Variants in GRM1 observed in about 807,000 individuals in gnomAD.
The protein encoded by GRM1 is metabotropic glutamate receptor 1.
In GRM1, 33 loss-of-function variants were observed where a neutral mutation model predicts 90.9. That is an observed-to-expected ratio of 0.36 (90% CI 0.28 to 0.49). The LOEUF (loss-of-function observed/expected upper bound fraction) is 0.49. GRM1 is among the 20% of genes least tolerant of loss of function. GRM1 has a pLI of 0.99. For missense variants in GRM1, 1,190 were observed against 1,534.3 expected, an observed-to-expected ratio of 0.78 and a Z score of 3.75; for synonymous variants, 700 against 613.2, an observed-to-expected ratio of 1.14 and a Z score of -2.09.
rs1778625498 is a variant in GRM1 at position 146,437,356 on chromosome 6, CCTA to C, written c.*2564_*2566del. 1 of 152,516 alleles carries C rather than the reference CCTA, an allele frequency of 6.6e-6. No individual in the cohort carries two copies. The highest frequency in any genetic ancestry group is 2.1e-4 in the South Asian group (1 of 4,824). The allele number at this position is 152,516 out of a possible 1,614,324, so 9.4% of individuals were successfully genotyped here. A position where few individuals can be genotyped will look rare whatever the true frequency, so the allele number is the denominator to read the frequency against. ...TGTGATCACTTTATTACTCTGAATG[CCTA>C]CTATTATCCTGATTATGGGGTCTCC... On this transcript the variant is annotated 3_prime_UTR_variant, in exon 8 of 8. Transcript: ENST00000282753.
chr6:146,221,083 G>A (rs965301771), intron 2 of GRM1, among the ~76,000 whole-genome samples: 1 of 151,954 alleles, frequency 6.6e-6, no homozygotes, highest in African/African-American at 2.4e-5. Context: ...TGGCATTTAC[G>A]CCAGCTCCAC....
chr6:146,194,569 T>C (rs562588225), intron 2 of GRM1, among the ~76,000 whole-genome samples: 5 of 152,346 alleles, frequency 3.3e-5, no homozygotes, highest in Admixed American at 1.3e-4. Context: ...GAAGCAGCAC[T>C]CCCACTATTT....
intron 4 of GRM1, among the ~76,000 whole-genome samples, chr6:146,355,739 G>A (rs938204278): frequency 6.6e-6 from 1 of 152,198 alleles, no homozygotes; most frequent in Non-Finnish European, 1.5e-5. Flanking sequence ...TTGATTGGCT[G>A]TAGCCTCCTG....
chr6:146,058,894 T>C (rs1454821540), intron 1 of GRM1, among the ~76,000 whole-genome samples: 1 of 152,118 alleles, frequency 6.6e-6, no homozygotes. Flanking sequence ...GAAATTGTAT[T>C]AATTCAATCA....
intron 2 of GRM1, among the ~76,000 whole-genome samples, chr6:146,241,158 T>C (rs2114733369): frequency 6.6e-6 from 1 of 152,222 alleles, no homozygotes; most frequent in South Asian, 2.1e-4. Flanking sequence ...CATTACACGA[T>C]TGAGATTTTT....
At chr6:146,405,957 A>C (rs1348723531) in intron 7 of GRM1, among the ~76,000 whole-genome samples, 3 of 152,246 alleles carry the variant, frequency 2.0e-5, no homozygotes, top group Non-Finnish European at 4.4e-5. Context: ...GAGAGGTTTC[A>C]GTGCTATAAT....
In GRM1 at chr6:146,159,650, C is replaced by G. The variant is rs1777646633; in HGVS notation, c.950+53C>G. On this transcript the variant is annotated intron_variant, in intron 2 of 7. Transcript: ENST00000282753. ...TCTCTCTCTCTCTCTCTCACACACA[C>G]ACATGCACACACACACTTTGAAACA... is the stretch of plus-strand genomic sequence containing the variant. 5 of 1,501,108 alleles carry G rather than the reference C, an allele frequency of 3.3e-6. No homozygotes were observed. In the South Asian group the frequency reaches 4.5e-5, roughly 14 times the overall value. The allele number at this position is 1,501,108 out of a possible 1,614,324, so 93.0% of individuals were successfully genotyped here.
intron 1 of GRM1, among the ~76,000 whole-genome samples, chr6:146,123,815 C>T (rs2128878091): frequency 6.6e-6 from 1 of 152,306 alleles, no homozygotes; most frequent in East Asian, 1.9e-4. Flanking sequence ...TGGTCTCTGG[C>T]TGGCATCCTT....
intron 2 of GRM1, among the ~76,000 whole-genome samples, chr6:146,245,409 T>C (rs1159717620): frequency 6.6e-6 from 1 of 152,172 alleles, no homozygotes; most frequent in Non-Finnish European, 1.5e-5. Flanking sequence ...AATTTCAAGG[T>C]TTCTACGAAT....
At chr6:146,340,946 C>T (rs1784953868) in intron 3 of GRM1, among the ~76,000 whole-genome samples, 1 of 152,206 alleles carries the variant, frequency 6.6e-6, no homozygotes, top group South Asian at 2.1e-4. Flanking sequence ...TACAAAACAA[C>T]AGGCCCCAAA....
At chr6:146,062,161 C>T (rs1038377928) in intron 1 of GRM1, among the ~76,000 whole-genome samples, 30 of 152,068 alleles carry the variant, frequency 2.0e-4, no homozygotes, top group African/African-American at 7.2e-4. Flanking sequence ...TACTATGCAG[C>T]CACAAAAAGG....
At chr6:146,211,347 G>GAA (rs58945695) in intron 2 of GRM1, among the ~76,000 whole-genome samples, 36 of 125,472 alleles carry the variant, frequency 2.9e-4, no homozygotes, top group African/African-American at 7.5e-4. Context: ...TCTAATGATA[G>GAA]AAAAAAAAAA....
intron 1 of GRM1, among the ~76,000 whole-genome samples, chr6:146,032,406 A>G (rs1396688144): frequency 6.6e-6 from 1 of 152,136 alleles, no homozygotes; most frequent in Non-Finnish European, 1.5e-5. Context: ...GTAAAAACTA[A>G]ATTGCATTTC....
rs150837684 is a variant in GRM1, at chr6:146,358,300, T to C, written c.1602+606T>C. Among the ~76,000 whole-genome samples the C allele has an allele frequency of 3.2e-3, 481 of 152,220 alleles. 3 individuals are homozygous for C. The highest frequency in any genetic ancestry group is 0.011 in the African/African-American group (464 of 41,526). ...TATAGAAAATGACAACAAACAAGCA[T>C]CAAATCCTCGGCGGGGTGTGCTAAA... On this transcript the variant is annotated intron_variant, in intron 5 of 7. Coordinates refer to ENST00000282753, the MANE Select transcript of GRM1 (RefSeq NM_001278064.2).
At chr6:146,305,543 C>G (rs1317094542) in intron 3 of GRM1, among the ~76,000 whole-genome samples, 1 of 152,084 alleles carries the variant, frequency 6.6e-6, no homozygotes, top group East Asian at 1.9e-4. Context: ...CATTGCTGTC[C>G]CCTGTCCTTT....
intron 4 of GRM1, 45 bp downstream of exon 4, chr6:146,352,541 T>G: frequency 1.9e-6 from 3 of 1,601,326 alleles, no homozygotes; most frequent in Non-Finnish European, 2.6e-6. Flanking sequence ...TGAGCCTTCC[T>G]GTGCCAGACA....
At chr6:146,145,169 A>C (rs1242157120) in intron 1 of GRM1, among the ~76,000 whole-genome samples, 1 of 152,250 alleles carries the variant, frequency 6.6e-6, no homozygotes, top group African/African-American at 2.4e-5. Context: ...CAGAATGAAA[A>C]TATTTGGAAA....
chr6:146,436,331 T>C lies in GRM1; in HGVS notation c.*1535T>C, dbSNP rs926105662. 1 of 152,172 alleles carries C rather than the reference T, an allele frequency of 6.6e-6. No individual in the cohort carries two copies. The highest frequency in any genetic ancestry group is 1.5e-5 in the Non-Finnish European group (1 of 68,026). The allele number at this position is 152,172 out of a possible 1,614,324, so 9.4% of individuals were successfully genotyped here. A position where few individuals can be genotyped will look rare whatever the true frequency, so the allele number is the denominator to read the frequency against. ...GTTATTAATGAAGTGGTTTGAAAATTTGTTATATTAAAAGTGCACAAAAAC... is the reference window on the plus strand; with the variant it reads ...GTTATTAATGAAGTGGTTTGAAAATCTGTTATATTAAAAGTGCACAAAAAC... On this transcript the variant is annotated 3_prime_UTR_variant, in exon 8 of 8. Coordinates refer to ENST00000282753, the MANE Select transcript of GRM1 (RefSeq NM_001278064.2).
At chr6:146,309,242 T>G (rs1783693606) in intron 3 of GRM1, among the ~76,000 whole-genome samples, 2 of 151,794 alleles carry the variant, frequency 1.3e-5, no homozygotes, top group African/African-American at 2.4e-5. Context: ...CTACTAAAAA[T>G]ACAAAAATTA....
Sources: gnomAD v4.1 joint callset for allele counts (sites outside exome capture counted in the v4.1 genomes callset) on GRCh38, gnomAD v4.1.1 for gene constraint, MANE v1.5 for transcripts, NCBI Gene and HGNC (gene_info 2026-07-23, HGNC 2026-07-21) for gene names.